HERC2: variants seen among roughly 807,000 people sequenced by gnomAD.
The protein encoded by HERC2 is HECT and RLD domain containing E3 ubiquitin protein ligase 2.
HERC2 carries 102 observed loss-of-function variants against 537.7 expected under a neutral mutation model. The observed-to-expected ratio is 0.19, with a 90% CI of 0.16 to 0.22. HERC2 has a LOEUF of 0.22. HERC2 is among the 10% of genes least tolerant of loss of function. The probability of loss-of-function intolerance (pLI) is 1.00; values close to 1 mark genes in which losing one functional copy is unlikely to be tolerated. For synonymous variants in HERC2, 2,224 were observed against 2,466.2 expected (o/e 0.90, Z 2.91); for missense variants, 4,236 against 6,198.2 (o/e 0.68, Z 10.63).
At chr15:28,235,312 T>C (rs557940703) in intron 26 of HERC2, among the ~76,000 whole-genome samples, 44 of 152,216 alleles carry the variant, frequency 2.9e-4, no homozygotes, top group Admixed American at 5.2e-4. Context: ...CTCCTGTGGA[T>C]TGGACCCACC....
intron 4 of HERC2, among the ~76,000 whole-genome samples, chr15:28,285,327 T>G (rs2076127457): frequency 6.6e-6 from 1 of 152,174 alleles, no homozygotes; most frequent in African/African-American, 2.4e-5. Context: ...TTTTTGAAAT[T>G]AAAATCACAC....
At chr15:28,135,780 G>C in intron 78 of HERC2, 88 bp from the exon 79 acceptor site, 1 of 957,206 alleles carries the variant, frequency 1.0e-6, no homozygotes, top group Non-Finnish European at 1.6e-6. Context: ...CCATGCTTTA[G>C]ACATTTTTAC....
At chr15:28,141,350 C>T (rs1891205230) in intron 78 of HERC2, 82 bp downstream of exon 78, 1 of 1,165,854 alleles carries the variant, frequency 8.6e-7, no homozygotes, top group Non-Finnish European at 1.3e-6. Context: ...CAGATCCTTG[C>T]ACGTGCTAAG....
chr15:28,175,645 TCC>T lies in HERC2; in HGVS notation c.9696_9697del (p.Asp3233LeufsTer9). 6.2e-7 allele frequency: 1 copy of T among 1,614,030 alleles called. No individual in the cohort carries two copies. ...AGAGCCGTGGCCCAATCTGAAGTAA[TCC>T]CCCTTTCCCCTGAGAGAAGGCCCAT... On this transcript the variant is annotated frameshift_variant, in exon 64 of 93. Transcript: ENST00000261609. LOFTEE classifies it high-confidence loss of function.
intron 68 of HERC2, among the ~76,000 whole-genome samples, chr15:28,165,202 T>C (rs894901827): frequency 6.6e-6 from 1 of 151,984 alleles, no homozygotes; most frequent in Non-Finnish European, 1.5e-5. Context: ...AGAGGTCACG[T>C]AGGGTGACCA....
intron 70 of HERC2, among the ~76,000 whole-genome samples, chr15:28,151,230 C>G (rs1017977309): frequency 4.6e-5 from 7 of 151,974 alleles, no homozygotes; most frequent in Non-Finnish European, 8.8e-5. Flanking sequence ...CTCTTGGAAC[C>G]AGGATTTGAT....
intron 56 of HERC2, among the ~76,000 whole-genome samples, chr15:28,185,000 T>G: frequency 1.7e-4 from 1 of 6,034 alleles, no homozygotes. Context: ...ACTTCCTTAT[T>G]TAAGTGAACT....
chr15:28,235,576 G>A (rs1376048797), intron 26 of HERC2, among the ~76,000 whole-genome samples: 1 of 152,172 alleles, frequency 6.6e-6, no homozygotes, highest in African/African-American at 2.4e-5. Context: ...CAGCAGGAGA[G>A]CCCTGCTCCT....
In HERC2 at chr15:28,256,186, C is replaced by T; in HGVS notation, c.2649G>A (p.Gln883=). 1 of 1,601,384 alleles carries T rather than the reference C, an allele frequency of 6.2e-7. No homozygotes were observed. The highest frequency in any genetic ancestry group is 8.5e-7 in the Non-Finnish European group (1 of 1,179,836). ...ASSAGVLSTV[Q]SAAQAVLQSG... The stretch of plus-strand genomic sequence containing the variant: ...TCTGCAGCACGGCCTGGGCGGCCGA[C>T]TGCACGGTGCTCAGCACGCCCGCAC... The change falls in exon 18 of 93, where the codon CAG becomes CAA. Residue 883 remains glutamine (Q), a synonymous_variant. Coordinates refer to ENST00000261609, the MANE Select transcript of HERC2 (RefSeq NM_004667.6).
intron 78 of HERC2, among the ~76,000 whole-genome samples, chr15:28,140,279 C>T (rs1474811345): frequency 6.6e-6 from 1 of 152,006 alleles, no homozygotes; most frequent in Admixed American, 6.6e-5. Context: ...GAGCCTCCAC[C>T]CACTCCTACC....
intron 27 of HERC2, 21 bp from the exon 28 acceptor site, chr15:28,233,817 A>G: frequency 6.2e-7 from 1 of 1,611,914 alleles, no homozygotes. Context: ...AACAGCTGGA[A>G]GTAACTTCAG....
chr15:28,195,754 T>C (rs1215194502), intron 52 of HERC2, among the ~76,000 whole-genome samples: 2 of 152,156 alleles, frequency 1.3e-5, no homozygotes, highest in East Asian at 1.9e-4. Flanking sequence ...TAAGAGACAG[T>C]TGTGATGGTT....
intron 4 of HERC2, among the ~76,000 whole-genome samples, chr15:28,283,854 G>C (rs2076085909): frequency 6.6e-6 from 1 of 152,196 alleles, no homozygotes; most frequent in African/African-American, 2.4e-5. Flanking sequence ...TCTGATAAGT[G>C]TTCATATATA....
At chr15:28,230,580 T>G (rs1393545474) in intron 30 of HERC2, 80 bp from the exon 31 acceptor site, 1 of 1,006,166 alleles carries the variant, frequency 9.9e-7, no homozygotes, top group African/African-American at 1.6e-5. Flanking sequence ...TAGATTTACA[T>G]GAAGGACAAA....
Position 28,146,198 on chromosome 15 carries a change from G to A in HERC2, c.11008+39C>T, listed in dbSNP as rs1368969087. 5 of 1,352,870 alleles carry A rather than the reference G, an allele frequency of 3.7e-6. No individual in the cohort carries two copies. The East Asian group carries it at 9.2e-5, about 25-fold the overall frequency. The allele number at this position is 1,352,870 out of a possible 1,614,324, so 83.8% of individuals were successfully genotyped here. A position where few individuals can be genotyped will look rare whatever the true frequency, so the allele number is the denominator to read the frequency against. ...GAAGGGTTGTGTCTACGGAGACACA[G>A]GTGGGTAGATCATGCCCTGCTCAAC... On this transcript the variant is annotated intron_variant, in intron 71 of 92. Transcript: ENST00000261609.
rs1226278851 is a variant in HERC2 at position 28,214,222 on chromosome 15, T to A, written c.6409A>T (p.Thr2137Ser). Residue 2137 changes from threonine (T) to serine (S), a missense_variant, in exon 41 of 93, where the codon ACC becomes TCC. By Grantham distance (58) the Thr-to-Ser change is moderately conservative (BLOSUM62 1). Transcript: ENST00000261609. Reference protein sequence around the residue: ...RVRPQASLTATHSSTLAEEVV... With the variant: ...RVRPQASLTASHSSTLAEEVV... Reference sequence around the variant, plus strand: ...TCCTCCGCCAGTGTGCTGCTGTGGGTGGCAGTCAGCGAGGCCTGCGGGCGC... The same window carrying A: ...TCCTCCGCCAGTGTGCTGCTGTGGGAGGCAGTCAGCGAGGCCTGCGGGCGC... 1.2e-6 allele frequency: 2 copies of A among 1,612,208 alleles called. No individual in the cohort carries two copies. Among genetic ancestry groups the A allele is most frequent in the Non-Finnish European group, 1.7e-6 (2 of 1,179,918 alleles).
In HERC2 at chr15:28,260,930, G is replaced by A; in HGVS notation, c.2163C>T (p.Cys721=). 1 of 1,614,090 alleles carries A rather than the reference G, an allele frequency of 6.2e-7. No individual in the cohort carries two copies. Among genetic ancestry groups the A allele is most frequent in the Non-Finnish European group, 8.5e-7 (1 of 1,180,016 alleles). Residue 721 remains cysteine (C), a synonymous_variant, in exon 16 of 93, where the codon TGC becomes TGT. Coordinates refer to ENST00000261609, the MANE Select transcript of HERC2 (RefSeq NM_004667.6). ...CCTCGCTGTCCTCAGTCAGAGCCAG[G>A]CAGTGGGTGGAGCCTGCAGCCACAT... The part of the protein sequence containing the change: ...VIDVAAGSTH[C]LALTEDSEVH...
intron 70 of HERC2, among the ~76,000 whole-genome samples, chr15:28,147,097 T>TA (rs1365726255): frequency 6.8e-6 from 1 of 147,348 alleles, no homozygotes; most frequent in Admixed American, 6.9e-5. Flanking sequence ...GCTAGGATGA[T>TA]AAACTGGGTG....
intron 2 of HERC2, among the ~76,000 whole-genome samples, chr15:28,309,873 G>C (rs1466121892): frequency 2.0e-5 from 3 of 152,180 alleles, no homozygotes; most frequent in Non-Finnish European, 4.4e-5. Context: ...TTTGTAGAAG[G>C]AACAGCTTTC....
Sources: gnomAD v4.1 joint callset for allele counts (sites outside exome capture counted in the v4.1 genomes callset) on GRCh38, gnomAD v4.1.1 for gene constraint, MANE v1.5 for transcripts, NCBI Gene and HGNC (gene_info 2026-07-23, HGNC 2026-07-21) for gene names.